Variants in FBXL7 observed in about 807,000 individuals in gnomAD.
FBXL7 encodes the protein F-box/LRR-repeat protein 7.
A neutral mutation model predicts 38.3 loss-of-function variants in FBXL7; 12 were observed. The ratio of observed to expected loss-of-function variants is 0.31; its 90% CI spans 0.20 to 0.51. The LOEUF is 0.51. Among genes scored for constraint, FBXL7 ranks in the 20% least tolerant of loss-of-function variants. FBXL7 has a pLI of 0.98. For missense variants in FBXL7, 567 were observed against 676.4 expected (o/e 0.84, Z 1.79); for synonymous variants, 297 against 300.9 (o/e 0.99, Z 0.13).
intron 2 of FBXL7, among the ~76,000 whole-genome samples, chr5:15,731,113 GA>G (rs1289691563): frequency 1.3e-5 from 2 of 152,182 alleles, no homozygotes; most frequent in Non-Finnish European, 2.9e-5. Context: ...TTGTTAGCAA[GA>G]GGGAAAATGG....
At chr5:15,822,622 CTTT>C (rs371800054) in intron 2 of FBXL7, among the ~76,000 whole-genome samples, 17 of 131,760 alleles carry the variant, frequency 1.3e-4, no homozygotes, top group South Asian at 5.0e-4. Flanking sequence ...GCTGGTTGCT[CTTT>C]TTTTTTTTTT....
At chr5:15,799,922 A>G (rs1737517269) in intron 2 of FBXL7, among the ~76,000 whole-genome samples, 1 of 103,492 alleles carries the variant, frequency 9.7e-6, no homozygotes, top group African/African-American at 3.2e-5. Flanking sequence ...GTACTGTCAT[A>G]AAGTGTTTTT....
chr5:15,846,344 A>G (rs1738902561), intron 2 of FBXL7, among the ~76,000 whole-genome samples: 1 of 152,230 alleles, frequency 6.6e-6, no homozygotes, highest in East Asian at 1.9e-4. Context: ...TATTTGTTAT[A>G]AAAATCTCTC....
rs551470467 is a variant in FBXL7, at chr5:15,936,784, G to A, written c.1074G>A (p.Ala358=). ...LESRLRYLSI[A]HCGRVTDVGI... ...CCCGCCTGCGGTACCTGAGCATCGC[G>A]CACTGCGGCCGGGTCACCGACGTGG... The change falls in exon 4 of 4, where the codon GCG becomes GCA. Residue 358 remains alanine, a synonymous_variant. Coordinates refer to ENST00000504595, the MANE Select transcript of FBXL7 (RefSeq NM_012304.5). This position sits in a 1 kb window ranked among gnomAD's most constrained non-coding sequence, Gnocchi z 6.0. The A allele has an allele frequency of 4.3e-6, 7 of 1,611,794 alleles. No homozygotes were observed. The highest frequency in any genetic ancestry group is 5.9e-6 in the Non-Finnish European group (7 of 1,179,396).
intron 2 of FBXL7, among the ~76,000 whole-genome samples, chr5:15,665,937 C>G (rs186677032): frequency 4.6e-5 from 7 of 152,174 alleles, no homozygotes; most frequent in Admixed American, 3.9e-4. Context: ...GGATCTGTAT[C>G]TATATAAAGT....
intron 2 of FBXL7, among the ~76,000 whole-genome samples, chr5:15,700,166 C>T (rs145340609): frequency 2.2e-3 from 329 of 152,266 alleles, no homozygotes; most frequent in African/African-American, 7.4e-3. Flanking sequence ...TGACTGATTT[C>T]CTCTCATTAA....
At chr5:15,747,190 A>G (rs976949156) in intron 2 of FBXL7, among the ~76,000 whole-genome samples, 1 of 152,204 alleles carries the variant, frequency 6.6e-6, no homozygotes, top group African/African-American at 2.4e-5. Context: ...AGGCAATTAC[A>G]TAGTATATGC....
chr5:15,800,544 G>T (rs776357857), intron 2 of FBXL7, among the ~76,000 whole-genome samples: 1 of 152,204 alleles, frequency 6.6e-6, no homozygotes, highest in African/African-American at 2.4e-5. Flanking sequence ...ACTCCTGCAA[G>T]CCAGGCACTT....
intron 1 of FBXL7, among the ~76,000 whole-genome samples, chr5:15,518,872 C>T (rs560582560): frequency 6.6e-6 from 1 of 152,210 alleles, no homozygotes; most frequent in South Asian, 2.1e-4. Flanking sequence ...CTTTGGCTTG[C>T]ACATATTTAT....
Position 15,939,669 on chromosome 5 carries a change from C to G in FBXL7, c.*2483C>G, listed in dbSNP as rs1742290199. ...TTAAAACATTGCTTCCTTCCTGGCT[C>G]TGCTAAATTGAATGCTCATTGTTTG... On this transcript the variant is annotated 3_prime_UTR_variant, in exon 4 of 4. Transcript: ENST00000504595. 1 of 152,644 alleles carries G rather than the reference C, an allele frequency of 6.6e-6. No individual in the cohort carries two copies. Among genetic ancestry groups the G allele is most frequent in the Non-Finnish European group, 1.5e-5 (1 of 68,052 alleles). 9.5% of individuals were successfully genotyped at this position (152,644 alleles called of 1,614,324 possible).
intron 2 of FBXL7, among the ~76,000 whole-genome samples, chr5:15,823,165 A>G (rs996833330): frequency 6.6e-6 from 1 of 152,228 alleles, no homozygotes; most frequent in East Asian, 1.9e-4. Context: ...ATTTTTCTGC[A>G]TATAAATGTG....
chr5:15,502,842 T>G (rs1736535768), intron 1 of FBXL7, among the ~76,000 whole-genome samples: 1 of 152,202 alleles, frequency 6.6e-6, no homozygotes, highest in Admixed American at 6.5e-5. Flanking sequence ...AAATGTTACA[T>G]TTCAAAGAAA....
chr5:15,701,668 A>C (rs573564939), intron 2 of FBXL7, among the ~76,000 whole-genome samples: 2 of 152,354 alleles, frequency 1.3e-5, no homozygotes, highest in South Asian at 4.1e-4. Context: ...AATGGAATGT[A>C]ATAGAAAAAC....
At chr5:15,759,585 G>A (rs533323367) in intron 2 of FBXL7, among the ~76,000 whole-genome samples, 15 of 152,100 alleles carry the variant, frequency 9.9e-5, no homozygotes, top group Middle Eastern at 3.4e-3. Context: ...TTCCGGACTC[G>A]GTCGTGTATA....
chr5:15,822,378 A>G lies in FBXL7; in HGVS notation c.128-105512A>G, dbSNP rs565453586. On this transcript the variant is annotated intron_variant, in intron 2 of 3. Transcript: ENST00000504595. ...CTCCATCTCAAAAACAAAACAAAAC[A>G]TAAAAGAAACATGCAAAAGTGGAGT... 1.8e-3 allele frequency among the ~76,000 whole-genome samples: 275 copies of G among 152,032 alleles called. 2 individuals carry two copies. Among genetic ancestry groups the G allele is most frequent in the African/African-American group, 6.5e-3 (269 of 41,482 alleles).
At chr5:15,818,261 A>G (rs1738073743) in intron 2 of FBXL7, among the ~76,000 whole-genome samples, 1 of 152,230 alleles carries the variant, frequency 6.6e-6, no homozygotes, top group Admixed American at 6.5e-5. Flanking sequence ...CTAGAGATAC[A>G]GTGGCTTTTT....
At chr5:15,521,434 T>C (rs1229964059) in intron 1 of FBXL7, among the ~76,000 whole-genome samples, 2 of 152,204 alleles carry the variant, frequency 1.3e-5, no homozygotes, top group African/African-American at 4.8e-5. Context: ...ATGGTGGAGC[T>C]TGGTGTTGAT....
At chr5:15,736,200 C>T (rs1735743726) in intron 2 of FBXL7, among the ~76,000 whole-genome samples, 1 of 152,136 alleles carries the variant, frequency 6.6e-6, no homozygotes, top group African/African-American at 2.4e-5. Flanking sequence ...AGCTTAACTC[C>T]AATTTATTCT....
intron 2 of FBXL7, among the ~76,000 whole-genome samples, chr5:15,887,752 C>T (rs1740736524): frequency 6.6e-6 from 1 of 152,186 alleles, no homozygotes; most frequent in Non-Finnish European, 1.5e-5. Context: ...TTTATGGAAA[C>T]TAGACAGTAT....
Sources: allele counts gnomAD v4.1 joint callset (sites outside exome capture counted in the v4.1 genomes callset), GRCh38; gene constraint gnomAD v4.1.1; non-coding constraint Gnocchi (gnomAD v3.1); transcripts MANE v1.5; gene names NCBI Gene and HGNC (gene_info 2026-07-23, HGNC 2026-07-21).